The following XPNPEP3 variants were observed in gnomAD, a reference collection of about 807,000 sequenced individuals.
XPNPEP3 encodes the protein X-prolyl aminopeptidase 3.
In XPNPEP3, 41 loss-of-function variants were observed where a neutral mutation model predicts 60.0. The ratio of observed to expected loss-of-function variants is 0.68; its 90% CI spans 0.53 to 0.89. XPNPEP3 has a LOEUF of 0.89. Among genes scored for constraint, XPNPEP3 ranks in the 40% least tolerant of loss-of-function variants. The pLI is 0.00. For missense variants in XPNPEP3, 598 were observed against 638.9 expected, an observed-to-expected ratio of 0.94 and a Z score of 0.69; for synonymous variants, 212 against 223.2, an observed-to-expected ratio of 0.95 and a Z score of 0.45.
rs376218884 is a variant in XPNPEP3, at chr22:40,857,221, G to A, written c.40G>A (p.Val14Ile). Residue 14 changes from valine (V) to isoleucine (I), a missense_variant, in exon 1 of 10, where the codon GTA becomes ATA. Val to Ile is a conservative substitution (Grantham distance 29). Transcript: ENST00000357137. ...LLSAPKLVPA[V>I]ANVRGLSGCM... ...CTCAGCCCCCAAGCTGGTTCCCGCT[G>A]TAGCAAACGTCCGCGGCCTCTCAGG... is the stretch of plus-strand genomic sequence containing the variant. 60 of 1,614,098 alleles carry A rather than the reference G, an allele frequency of 3.7e-5. No homozygotes were observed. The highest frequency in any genetic ancestry group is 4.9e-5 in the Non-Finnish European group (58 of 1,180,038).
At chr22:40,921,705 G>A (rs899929515) in intron 7 of XPNPEP3, among the ~76,000 whole-genome samples, 79 of 151,930 alleles carry the variant, frequency 5.2e-4, no homozygotes, top group Non-Finnish European at 3.8e-4. Flanking sequence ...ATTTTCTTTG[G>A]ATATATTAGA....
At chr22:40,915,208 G>T (rs904914583) in intron 7 of XPNPEP3, among the ~76,000 whole-genome samples, 5 of 151,864 alleles carry the variant, frequency 3.3e-5, no homozygotes, top group African/African-American at 9.7e-5. Flanking sequence ...CCACCACCAC[G>T]CCTGGCTAAT....
At chr22:40,888,088 C>T (rs1307398768) in intron 4 of XPNPEP3, among the ~76,000 whole-genome samples, 1 of 152,096 alleles carries the variant, frequency 6.6e-6, no homozygotes, top group Non-Finnish European at 1.5e-5. Context: ...TAAATAATAA[C>T]TTCCCATTCT....
intron 1 of XPNPEP3, 130 bp from the exon 2 acceptor site, chr22:40,868,869 A>C (rs2057992001): frequency 1.3e-6 from 1 of 755,066 alleles, no homozygotes; most frequent in African/African-American, 1.7e-5. Flanking sequence ...ATGAATATTG[A>C]AGGAGAGAAG....
chr22:40,862,452 G>GTAC, intron 1 of XPNPEP3: 1 of 986,794 alleles, frequency 1.0e-6, no homozygotes, highest in Non-Finnish European at 1.2e-6. Flanking sequence ...GAAAAATGAA[G>GTAC]TACTGACTTA....
At chr22:40,909,791 A>T (rs187315152) in intron 6 of XPNPEP3, among the ~76,000 whole-genome samples, 1,877 of 151,456 alleles carry the variant, frequency 0.012, 18 homozygotes, top group Non-Finnish European at 0.019. Flanking sequence ...TAAATAAATA[A>T]ATAAATATTT....
At chr22:40,867,228 G>A (rs1162857927) in intron 1 of XPNPEP3, among the ~76,000 whole-genome samples, 1 of 152,142 alleles carries the variant, frequency 6.6e-6, no homozygotes, top group Non-Finnish European at 1.5e-5. Context: ...AAGTAATCTG[G>A]ACAAGGTTAC....
intron 2 of XPNPEP3, among the ~76,000 whole-genome samples, chr22:40,878,734 G>C (rs967139990): frequency 6.6e-6 from 1 of 151,892 alleles, no homozygotes; most frequent in African/African-American, 2.4e-5. Flanking sequence ...CTACAGGTGT[G>C]CGCCACCATA....
chr22:40,918,291 T>G (rs930740283), intron 7 of XPNPEP3, among the ~76,000 whole-genome samples: 1 of 152,094 alleles, frequency 6.6e-6, no homozygotes, highest in Non-Finnish European at 1.5e-5. Context: ...GCAAAATCAC[T>G]TGACCCCTGA....
chr22:40,871,080 A>AG (rs2058003350), intron 2 of XPNPEP3, among the ~76,000 whole-genome samples: 1 of 152,164 alleles, frequency 6.6e-6, no homozygotes, highest in Non-Finnish European at 1.5e-5. Context: ...AAAGTCTCTT[A>AG]GGCCAGGTAC....
chr22:40,858,879 C>T (rs2057923583), intron 1 of XPNPEP3, among the ~76,000 whole-genome samples: 1 of 152,214 alleles, frequency 6.6e-6, no homozygotes, highest in Non-Finnish European at 1.5e-5. Flanking sequence ...GTAGGCATTA[C>T]ACGAAAATGA....
chr22:40,869,421 GGT>G (rs1235847446), intron 2 of XPNPEP3, among the ~76,000 whole-genome samples: 1 of 152,024 alleles, frequency 6.6e-6, no homozygotes, highest in East Asian at 1.9e-4. Flanking sequence ...ATTAATGAAA[GGT>G]ATGTATTTCA....
At chr22:40,886,549 G>T (rs1259004777) in intron 4 of XPNPEP3, 34 bp downstream of exon 4, 6 of 1,603,558 alleles carry the variant, frequency 3.7e-6, no homozygotes, top group Non-Finnish European at 2.5e-6. Flanking sequence ...TTTCCAGCCG[G>T]GCGCGGTGGC....
chr22:40,892,168 A>G (rs940378966), intron 4 of XPNPEP3, among the ~76,000 whole-genome samples: 4 of 151,854 alleles, frequency 2.6e-5, no homozygotes, highest in African/African-American at 9.7e-5. Flanking sequence ...CACTCTTGGC[A>G]TTGGCAAATG....
rs112000261 is a variant in XPNPEP3 at position 40,899,220 on chromosome 22, C to CA, written c.793-8360dup. On this transcript the variant is annotated intron_variant, in intron 4 of 9. Coordinates refer to ENST00000357137, the MANE Select transcript of XPNPEP3 (RefSeq NM_022098.4). ...CTGTGGTTGGTCTCAGCTGACTCATCAAAAAAATGATAGTAGCCCAGTTTC... is the reference window on the plus strand; with the variant it reads ...CTGTGGTTGGTCTCAGCTGACTCATCAAAAAAAATGATAGTAGCCCAGTTTC... Among the ~76,000 whole-genome samples the CA allele has an allele frequency of 5.8e-3, 888 of 152,030 alleles. 6 individuals are homozygous for CA. The highest frequency in any genetic ancestry group is 0.018 in the African/African-American group (728 of 41,486).
chr22:40,868,238 A>T (rs532449822), intron 1 of XPNPEP3, among the ~76,000 whole-genome samples: 1 of 152,200 alleles, frequency 6.6e-6, no homozygotes, highest in African/African-American at 2.4e-5. Context: ...TAGCATGTGC[A>T]TATTTTCTCA....
At chr22:40,858,325 T>A (rs1189198987) in intron 1 of XPNPEP3, among the ~76,000 whole-genome samples, 1 of 151,774 alleles carries the variant, frequency 6.6e-6, no homozygotes, top group African/African-American at 2.4e-5. Context: ...CAAGCTGATC[T>A]CGAACTCCTG....
intron 4 of XPNPEP3, among the ~76,000 whole-genome samples, chr22:40,902,224 C>G (rs577314272): frequency 7.1e-6 from 1 of 141,648 alleles, no homozygotes; most frequent in African/African-American, 2.7e-5. Context: ...GTATTACAGG[C>G]GCCTGCCACC....
chr22:40,905,524 G>C (rs1341584948), intron 4 of XPNPEP3, among the ~76,000 whole-genome samples: 1 of 152,116 alleles, frequency 6.6e-6, no homozygotes, highest in Non-Finnish European at 1.5e-5. Context: ...TTCTGGTGGA[G>C]GAGAGACAGT....
Sources: allele counts gnomAD v4.1 joint callset (sites outside exome capture counted in the v4.1 genomes callset), GRCh38; gene constraint gnomAD v4.1.1; transcripts MANE v1.5; gene names NCBI Gene and HGNC (gene_info 2026-07-23, HGNC 2026-07-21).